Variants in TOR1B observed in about 807,000 individuals in gnomAD.
TOR1B encodes torsin family 1 member B.
TOR1B carries 14 observed loss-of-function variants against 29.2 expected under a neutral mutation model. That is an observed-to-expected ratio of 0.48 (90% CI 0.32 to 0.75). TOR1B has a LOEUF of 0.75. Among genes scored for constraint, TOR1B ranks in the 30% least tolerant of loss-of-function variants. The pLI, the probability that TOR1B is intolerant of heterozygous loss-of-function variation, is 0.04. For missense variants in TOR1B, 400 were observed against 433.9 expected, an observed-to-expected ratio of 0.92 and a Z score of 0.69; for synonymous variants, 166 against 179.8, an observed-to-expected ratio of 0.92 and a Z score of 0.62.
At position 129,803,322 on chromosome 9, in the gene TOR1B, C is replaced by G; in HGVS notation, c.110C>G (p.Ala37Gly). 9 of 1,590,948 alleles carry G rather than the reference C, an allele frequency of 5.7e-6. No individual in the cohort carries two copies. The highest frequency in any genetic ancestry group is 7.7e-6 in the Non-Finnish European group (9 of 1,172,268). The part of the protein sequence containing the change: ...PITVGLAIGA[A>G]SAITGYLSYN... ...ACCGTGGGCCTAGCCATCGGGGCCG[C>G]GTCGGCCATCACCGGCTACCTGTCC... The change falls in exon 1 of 5, where the codon GCG (alanine) becomes GGG (glycine). Residue 37 changes from alanine to glycine, a missense_variant. Ala to Gly is a moderately conservative substitution (Grantham distance 60). Transcript: ENST00000259339.
At position 129,804,053 on chromosome 9, in the gene TOR1B, T is replaced by C. The variant is rs2030321940; in HGVS notation, c.200-20T>C. 1.2e-6 allele frequency: 2 copies of C among 1,613,326 alleles called. No homozygotes were observed. The highest frequency in any genetic ancestry group is 1.7e-6 in the Non-Finnish European group (2 of 1,179,550). On this transcript the variant is annotated intron_variant, in intron 1 of 4. Transcript: ENST00000259339. The stretch of plus-strand genomic sequence containing the variant: ...TTTTTAAGGTCTGTTTCTCTCTTTG[T>C]TCTGGGGCTGTTCTTGCAGCTCTCA...
chr9:129,809,363 T>G lies in TOR1B; in HGVS notation c.791T>G (p.Leu264Arg). 1 of 1,614,214 alleles carries G rather than the reference T, an allele frequency of 6.2e-7. No individual in the cohort carries two copies. Among genetic ancestry groups the G allele is most frequent in the Non-Finnish European group, 8.5e-7 (1 of 1,180,032 alleles). The stretch of plus-strand genomic sequence containing the variant: ...GCAGGTGGCCTGTGGCACAGTGGAC[T>G]GATCGACAAAAACCTCATTGATTAC... ...NKHSGLWHSG[L>R]IDKNLIDYFI... The change falls in exon 5 of 5, where the codon CTG becomes CGG. Residue 264 changes from leucine to arginine, a missense_variant. Physicochemically the swap from Leu to Arg is moderately radical, Grantham distance 102. Transcript: ENST00000259339.
chr9:129,805,671 G>A (rs1218372662), intron 2 of TOR1B, among the ~76,000 whole-genome samples: 1 of 152,186 alleles, frequency 6.6e-6, no homozygotes, highest in African/African-American at 2.4e-5. Flanking sequence ...CCCACCTCTG[G>A]TGCAGCCTCA....
chr9:129,810,352 G>T lies in TOR1B; in HGVS notation c.*769G>T, dbSNP rs996237664. 12 of 1,100,270 alleles carry T rather than the reference G, an allele frequency of 1.1e-5. No individual in the cohort carries two copies. The highest frequency in any genetic ancestry group is 7.4e-5 in the Admixed American group (3 of 40,754). 68.2% of individuals were successfully genotyped at this position (1,100,270 alleles called of 1,614,324 possible). A position where few individuals can be genotyped will look rare whatever the true frequency, so the allele number is the denominator to read the frequency against. On this transcript the variant is annotated 3_prime_UTR_variant, in exon 5 of 5. Coordinates refer to ENST00000259339, the MANE Select transcript of TOR1B (RefSeq NM_014506.3). ...GAGCTGACCTGTGTGTGTGTGTGTGGGGGGGTGGGGCCTTCACCTAAGACC... is the reference window on the plus strand; with the variant it reads ...GAGCTGACCTGTGTGTGTGTGTGTGTGGGGGTGGGGCCTTCACCTAAGACC...
At chr9:129,803,664 T>G (rs10988519) in intron 1 of TOR1B, among the ~76,000 whole-genome samples, 38,925 of 152,190 alleles carry the variant, frequency 0.26, 4,995 homozygotes, top group South Asian at 0.32. Flanking sequence ...TCCCGTTCCT[T>G]GGGATCACAG....
Position 129,803,284 on chromosome 9 carries a change from G to A in TOR1B, c.72G>A (p.Ala24=), listed in dbSNP as rs1190087623. The change falls in exon 1 of 5, where the codon GCG becomes GCA. Residue 24 remains alanine (A), a synonymous_variant. Transcript: ENST00000259339. ...ALLLAARVVA[A]FEPITVGLAI... The stretch of plus-strand genomic sequence containing the variant: ...TGCTGGCGGCCCGAGTGGTGGCGGC[G>A]TTCGAGCCCATCACCGTGGGCCTAG... The A allele has an allele frequency of 6.4e-7, 1 of 1,574,646 alleles. No individual in the cohort carries two copies. Among genetic ancestry groups the A allele is most frequent in the Non-Finnish European group, 8.6e-7 (1 of 1,165,092 alleles).
At chr9:129,803,527 C>G in intron 1 of TOR1B, 116 bp downstream of exon 1, 1 of 966,412 alleles carries the variant, frequency 1.0e-6, no homozygotes, top group Non-Finnish European at 1.3e-6. Flanking sequence ...ATCTAGACGG[C>G]GGTGGTCCCA....
rs1042959053 is a variant in TOR1B, at chr9:129,810,140, A to C, written c.*557A>C. The C allele has an allele frequency of 3.8e-6, 5 of 1,302,116 alleles. No homozygotes were observed. Among genetic ancestry groups the C allele is most frequent in the Admixed American group, 2.3e-5 (1 of 43,498 alleles). The allele number at this position is 1,302,116 out of a possible 1,614,324, so 80.7% of individuals were successfully genotyped here. On this transcript the variant is annotated 3_prime_UTR_variant, in exon 5 of 5. Transcript: ENST00000259339. Reference sequence around the variant, plus strand: ...AGGGACTTGCTGCAGGCTGGGGGGCACTGGGTGGTTCTCACCAGCAGGCTG... The same window carrying C: ...AGGGACTTGCTGCAGGCTGGGGGGCCCTGGGTGGTTCTCACCAGCAGGCTG...
At chr9:129,807,438 T>C (rs2030561081) in intron 3 of TOR1B, 75 bp downstream of exon 3, 1 of 1,560,072 alleles carries the variant, frequency 6.4e-7, no homozygotes, top group Non-Finnish European at 8.7e-7. Flanking sequence ...CTGAGGACCA[T>C]CAGCACTTTG....
intron 2 of TOR1B, 32 bp downstream of exon 2, chr9:129,804,370 G>T: frequency 6.2e-7 from 1 of 1,603,088 alleles, no homozygotes; most frequent in South Asian, 1.1e-5. Flanking sequence ...TCGTCTGCAG[G>T]CCAGTCGGAC....
In TOR1B at chr9:129,808,959, A is replaced by C. The variant is rs1211235061; in HGVS notation, c.696A>C (p.Gly232=). The change falls in exon 4 of 5, where the codon GGA becomes GGC. Residue 232 remains glycine (G), a synonymous_variant. Transcript: ENST00000259339. ...CGGCTCTTGACTTTTGGCGGGCCGG[A>C]AGAAAGAGGGAAGACATTCAGCTGA... ...TKTALDFWRA[G]RKREDIQLKD... 1 of 1,614,032 alleles carries C rather than the reference A, an allele frequency of 6.2e-7. No homozygotes were observed. The highest frequency in any genetic ancestry group is 1.7e-5 in the Admixed American group (1 of 59,962).
Position 129,809,531 on chromosome 9 carries a change from T to C in TOR1B, c.959T>C (p.Ile320Thr). 1 of 1,613,932 alleles carries C rather than the reference T, an allele frequency of 6.2e-7. No individual in the cohort carries two copies. The highest frequency in any genetic ancestry group is 8.5e-7 in the Non-Finnish European group (1 of 1,180,006). Residue 320 changes from isoleucine to threonine, a missense_variant, in exon 5 of 5, where the codon ATC becomes ACC. Transcript: ENST00000259339. The stretch of plus-strand genomic sequence containing the variant: ...ACGTTTTTCCCCAGAGACGAGAAAA[T>C]CTACTCAGACAAGGGCTGCAAGACT... ...EMTFFPRDEK[I>T]YSDKGCKTVQ...
rs1378422091 is a variant in TOR1B at position 129,809,351 on chromosome 9, G to A, written c.779G>A (p.Trp260Ter). 6.2e-7 allele frequency: 1 copy of A among 1,614,130 alleles called. No individual in the cohort carries two copies. The highest frequency in any genetic ancestry group is 8.5e-7 in the Non-Finnish European group (1 of 1,180,010). The change falls in exon 5 of 5, where the codon TGG (tryptophan) becomes TAG (stop). Residue 260 changes from tryptophan (W) to a stop codon, truncating the protein, a stop_gained. Coordinates refer to ENST00000259339, the MANE Select transcript of TOR1B (RefSeq NM_014506.3). LOFTEE classifies it high-confidence loss of function. Reference sequence around the variant, plus strand: ...GTGTCTTGTTCTGCAGGTGGCCTGTGGCACAGTGGACTGATCGACAAAAAC... The same window carrying A: ...GTGTCTTGTTCTGCAGGTGGCCTGTAGCACAGTGGACTGATCGACAAAAAC... ...GVFNNKHSGL[W>*]HSGLIDKNLI...
chr9:129,810,052 G>A lies in TOR1B; in HGVS notation c.*469G>A, dbSNP rs1345640045. ...GAAAACAGCTGTGCATGGCAGGCCC[G>A]GCAATAGCTTCTGACCCACAGCACC... On this transcript the variant is annotated 3_prime_UTR_variant, in exon 5 of 5. Coordinates refer to ENST00000259339, the MANE Select transcript of TOR1B (RefSeq NM_014506.3). 60 of 1,231,116 alleles carry A rather than the reference G, an allele frequency of 4.9e-5. No individual in the cohort carries two copies. The highest frequency in any genetic ancestry group is 3.5e-4 in the East Asian group (6 of 17,240). The allele number at this position is 1,231,116 out of a possible 1,614,324, so 76.3% of individuals were successfully genotyped here.
intron 2 of TOR1B, among the ~76,000 whole-genome samples, chr9:129,806,037 C>T (rs1041689720): frequency 6.6e-6 from 1 of 151,532 alleles, no homozygotes; most frequent in Non-Finnish European, 1.5e-5. Context: ...GGGAGGATCG[C>T]TTGAGCCCGG....
At chr9:129,805,933 C>T (rs1173943628) in intron 2 of TOR1B, among the ~76,000 whole-genome samples, 1 of 152,012 alleles carries the variant, frequency 6.6e-6, no homozygotes, top group African/African-American at 2.4e-5. Context: ...TTCCCACTGG[C>T]AACATAGCAA....
Position 129,809,333 on chromosome 9 carries a change from G to A in TOR1B, c.770-9G>A, listed in dbSNP as rs113019368. 2.5e-6 allele frequency: 4 copies of A among 1,613,986 alleles called. No individual in the cohort carries two copies. The highest frequency in any genetic ancestry group is 1.3e-5 in the African/African-American group (1 of 75,048). ...GTGGCAGGAAACCCAGCTGTGTCTT[G>A]TTCTGCAGGTGGCCTGTGGCACAGT... On this transcript the variant is annotated splice_polypyrimidine_tract_variant and intron_variant, in intron 4 of 4. Transcript: ENST00000259339.
intron 2 of TOR1B, among the ~76,000 whole-genome samples, chr9:129,805,190 C>G (rs1415244571): frequency 6.6e-6 from 1 of 150,880 alleles, no homozygotes; most frequent in East Asian, 1.9e-4. Flanking sequence ...CAGTGGCTCA[C>G]GCCTGTAATC....
At position 129,803,196 on chromosome 9, in the gene TOR1B, G is replaced by C; in HGVS notation, c.-17G>C. 3.5e-6 allele frequency: 5 copies of C among 1,444,870 alleles called. No individual in the cohort carries two copies. The highest frequency in any genetic ancestry group is 4.5e-6 in the Non-Finnish European group (5 of 1,104,022). 89.5% of individuals were successfully genotyped at this position (1,444,870 alleles called of 1,614,324 possible). A position where few individuals can be genotyped will look rare whatever the true frequency, so the allele number is the denominator to read the frequency against. ...GGGCGCCTGGCTCAGTGGCTTCTGC[G>C]GGCTTCGAGGAGCGGGATGTTGCGG... On this transcript the variant is annotated 5_prime_UTR_variant, in exon 1 of 5. Transcript: ENST00000259339.
Sources: allele counts gnomAD v4.1 joint callset (sites outside exome capture counted in the v4.1 genomes callset), GRCh38; gene constraint gnomAD v4.1.1; transcripts MANE v1.5; gene names NCBI Gene and HGNC (gene_info 2026-07-23, HGNC 2026-07-21).